The following CES5A variants were observed in gnomAD, a reference collection of about 807,000 sequenced individuals.
The protein encoded by CES5A is carboxylesterase 5.
A neutral mutation model predicts 62.9 loss-of-function variants in CES5A; 67 were observed. That is an observed-to-expected ratio of 1.07 (90% CI 0.88 to 1.31). The LOEUF (loss-of-function observed/expected upper bound fraction) is 1.31, where lower values mean the gene tolerates loss of function less well. Ranked by LOEUF, CES5A falls within the 50% of genes most tolerant of loss-of-function variation. CES5A has a pLI of 0.00. For missense variants in CES5A, 748 were observed against 708.5 expected (o/e 1.06, Z -0.63); for synonymous variants, 296 against 280.8 (o/e 1.05, Z -0.54).
At chr16:55,947,268 T>C (rs1418053915) in intron 2 of CES5A, among the ~76,000 whole-genome samples, 1 of 152,206 alleles carries the variant, frequency 6.6e-6, no homozygotes, top group African/African-American at 2.4e-5. Flanking sequence ...AGTGATCATC[T>C]TGTCCCACCC....
chr16:55,899,060 G>C (rs1037964654), intron 1 of CES5A, among the ~76,000 whole-genome samples: 3 of 152,132 alleles, frequency 2.0e-5, no homozygotes, highest in African/African-American at 4.8e-5. Flanking sequence ...ACATAACTCA[G>C]AATGAATCCA....
intron 2 of CES5A, chr16:55,944,020 G>A (rs1364021171): frequency 1.3e-5 from 9 of 701,980 alleles, no homozygotes; most frequent in Admixed American, 1.2e-4. Context: ...GGGAAAAATC[G>A]CAAGTCATTG....
chr16:55,868,314 T>C (rs1461794711), intron 4 of CES5A, among the ~76,000 whole-genome samples: 1 of 152,232 alleles, frequency 6.6e-6, no homozygotes, highest in East Asian at 1.9e-4. Flanking sequence ...CAGAGCTACA[T>C]TCCAGGGCTA....
chr16:55,928,790 GTTAA>G (rs1428533274), upstream of CES5A, among the ~76,000 whole-genome samples: 13 of 152,190 alleles, frequency 8.5e-5, no homozygotes, highest in African/African-American at 1.7e-4. Flanking sequence ...TGATTCTGCT[GTTAA>G]TTGTTAGTCC....
upstream of CES5A, among the ~76,000 whole-genome samples, chr16:55,877,780 A>G (rs2033714031): frequency 6.6e-6 from 1 of 152,180 alleles, no homozygotes; most frequent in South Asian, 2.1e-4. Flanking sequence ...TTTGTAGATG[A>G]GGAAACTGAT....
rs770275846 is a variant in CES5A, at chr16:55,863,400, C to T, written c.758G>A (p.Gly253Glu). ...CTCCAGGTAAGGGATGATGGCCACC[C>T]CACTCTCCATGATGGCTTTGTGGAA... Reference protein sequence around the residue: ...GLFHKAIMESGVAIIPYLEAH... With the variant: ...GLFHKAIMESEVAIIPYLEAH... Residue 253 changes from glycine (G) to glutamate (E), a missense_variant, in exon 6 of 13, where the codon GGG becomes GAG. Gly to Glu is a moderately conservative substitution (Grantham distance 98). Transcript: ENST00000290567. 1.2e-6 allele frequency: 2 copies of T among 1,610,478 alleles called. No individual in the cohort carries two copies. Among genetic ancestry groups the T allele is most frequent in the South Asian group, 2.2e-5 (2 of 90,962 alleles).
At chr16:55,875,059 G>T in intron 1 of CES5A, 90 bp downstream of exon 1, 1 of 1,299,866 alleles carries the variant, frequency 7.7e-7, no homozygotes, top group Non-Finnish European at 1.1e-6. Context: ...GGCCCTCAGA[G>T]ACCTCTGAAG....
At chr16:55,868,932 A>T (rs1426984906) in intron 4 of CES5A, among the ~76,000 whole-genome samples, 1 of 152,214 alleles carries the variant, frequency 6.6e-6, no homozygotes, top group African/African-American at 2.4e-5. Context: ...GTGAGTTGAA[A>T]TAATGCATGG....
At chr16:55,850,483 G>A (rs557255905) in intron 10 of CES5A, among the ~76,000 whole-genome samples, 39 of 152,276 alleles carry the variant, frequency 2.6e-4, no homozygotes, top group African/African-American at 8.4e-4. Flanking sequence ...ACAACATGTG[G>A]CCCTTTGTGC....
At chr16:55,949,328 T>C (rs1216859863) in intron 2 of CES5A, among the ~76,000 whole-genome samples, 5 of 152,158 alleles carry the variant, frequency 3.3e-5, no homozygotes, top group African/African-American at 1.2e-4. Flanking sequence ...ACTGCCTGAG[T>C]TGGGGCAGAA....
chr16:55,859,389 G>T (rs536080182), intron 8 of CES5A, among the ~76,000 whole-genome samples, 158 bp downstream of exon 8: 70 of 152,340 alleles, frequency 4.6e-4, no homozygotes, highest in Non-Finnish European at 2.5e-4. Context: ...GTCCTCACTT[G>T]CCCTCTTTCA....
At chr16:55,898,540 T>C (rs2033957251) in intron 1 of CES5A, among the ~76,000 whole-genome samples, 2 of 152,158 alleles carry the variant, frequency 1.3e-5, no homozygotes, top group Non-Finnish European at 2.9e-5. Context: ...TGGCACATCA[T>C]AGACAATCAA....
In CES5A at chr16:55,846,567, A is replaced by T. The variant is rs760480313; in HGVS notation, c.1612T>A (p.Phe538Ile). ...ATCAGGGGGATGGTGCTGGTCCAAA[A>T]ATCCACCCGCGGTTCTTTGAGTCTC... ...GQRLKEPRVD[F>I]WTSTIPLILS... The change falls in exon 13 of 13, where the codon TTT (phenylalanine) becomes ATT (isoleucine). Residue 538 changes from phenylalanine to isoleucine, a missense_variant. By Grantham distance (21) the Phe-to-Ile change is conservative. Transcript: ENST00000290567. The T allele has an allele frequency of 6.2e-7, 1 of 1,614,046 alleles. No homozygotes were observed. Among genetic ancestry groups the T allele is most frequent in the South Asian group, 1.1e-5 (1 of 91,056 alleles).
intron 11 of CES5A, among the ~76,000 whole-genome samples, chr16:55,848,090 T>G (rs2033052362): frequency 6.6e-6 from 1 of 151,562 alleles, no homozygotes. Flanking sequence ...CTACACACAT[T>G]TTTTTTTATT....
At chr16:55,922,216 TA>T (rs1385744276) in intron 1 of CES5A, among the ~76,000 whole-genome samples, 7 of 151,934 alleles carry the variant, frequency 4.6e-5, no homozygotes, top group African/African-American at 1.4e-4. Context: ...TCACTAAATG[TA>T]AGTGAACTCA....
chr16:55,906,686 G>C (rs564756028), intron 1 of CES5A, among the ~76,000 whole-genome samples: 3 of 152,230 alleles, frequency 2.0e-5, no homozygotes, highest in African/African-American at 7.2e-5. Context: ...CAAGAGAGGG[G>C]CTTCCCAGGG....
intron 2 of CES5A, among the ~76,000 whole-genome samples, chr16:55,942,063 T>C (rs539439861): frequency 6.6e-6 from 1 of 152,288 alleles, no homozygotes; most frequent in South Asian, 2.1e-4. Context: ...CTTCATTCCA[T>C]ACACAAACAT....
chr16:55,924,937 G>A (rs1335052810), intron 1 of CES5A, among the ~76,000 whole-genome samples: 6 of 151,860 alleles, frequency 4.0e-5, no homozygotes, highest in Non-Finnish European at 5.9e-5. Context: ...TTGGATAAAC[G>A]CCACAGGACA....
Position 55,861,697 on chromosome 16 carries a change from G to T in CES5A, c.811-181C>A, listed in dbSNP as rs544203947. 7.9e-5 allele frequency among the ~76,000 whole-genome samples: 12 copies of T among 152,270 alleles called. No individual in the cohort carries two copies. The East Asian group carries it at 2.1e-3, about 27-fold the overall frequency. On this transcript the variant is annotated intron_variant, in intron 6 of 12. Transcript: ENST00000290567. ...TGCACATGGTGGACAGTTTCCCACT[G>T]CATCACCCTCAGTCTCTTGCCTGGC...
Sources: gnomAD v4.1 joint callset for allele counts (sites outside exome capture counted in the v4.1 genomes callset) on GRCh38, gnomAD v4.1.1 for gene constraint, MANE v1.5 for transcripts, NCBI Gene and HGNC (gene_info 2026-07-23, HGNC 2026-07-21) for gene names.